The following STIM1 variants were observed in gnomAD, a reference collection of about 807,000 sequenced individuals.
STIM1 encodes the protein stromal interaction molecule 1.
A neutral mutation model predicts 74.7 loss-of-function variants in STIM1; 25 were observed. The observed-to-expected ratio is 0.33, with a 90% CI of 0.24 to 0.47. STIM1 has a LOEUF of 0.47. STIM1 is among the 20% of genes least tolerant of loss of function. The probability of loss-of-function intolerance (pLI) is 1.00; values close to 1 mark genes in which losing one functional copy is unlikely to be tolerated. For missense variants in STIM1, 728 were observed against 920.8 expected (o/e 0.79, Z 2.71); for synonymous variants, 328 against 348.8 (o/e 0.94, Z 0.66).
chr11:4,034,599 T>G (rs1308274113), intron 3 of STIM1, among the ~76,000 whole-genome samples: 1 of 152,180 alleles, frequency 6.6e-6, no homozygotes, highest in African/African-American at 2.4e-5. Flanking sequence ...TCTTAAAATG[T>G]CTTTGTTTTT....
intron 3 of STIM1, among the ~76,000 whole-genome samples, chr11:4,040,549 A>G (rs888189685): frequency 3.3e-5 from 5 of 152,184 alleles, no homozygotes; most frequent in Non-Finnish European, 7.4e-5. Context: ...TAGCACACTA[A>G]ATGCAAAGAT....
intron 2 of STIM1, among the ~76,000 whole-genome samples, chr11:3,973,748 C>T (rs1475241331): frequency 2.6e-5 from 4 of 152,138 alleles, no homozygotes; most frequent in African/African-American, 9.7e-5. Context: ...AAGTCTCACA[C>T]TGTCGGCCAG....
At chr11:3,888,035 A>T (rs1310052358) in intron 1 of STIM1, 1 of 151,730 alleles carries the variant, frequency 6.6e-6, no homozygotes, top group Non-Finnish European at 1.5e-5. Flanking sequence ...CCACCCCTCA[A>T]GCAGTGCTGG....
chr11:3,945,326 C>T (rs1488905162), intron 1 of STIM1, among the ~76,000 whole-genome samples: 2 of 152,052 alleles, frequency 1.3e-5, no homozygotes, highest in Non-Finnish European at 2.9e-5. Flanking sequence ...CCTGTAATCC[C>T]AGCACTTTGG....
At chr11:3,941,673 T>TAGAGAGAG (rs1554959602) in intron 1 of STIM1, among the ~76,000 whole-genome samples, 1,777 of 90,622 alleles carry the variant, frequency 0.02, 21 homozygotes, top group African/African-American at 0.031. Context: ...TATATATATA[T>TAGAGAGAG]AGAGAGAGAG....
rs2135837106 is a variant in STIM1, at chr11:3,989,251, G to C, written c.270+21569G>C. ...GTTTACTGCAGGTAAATGTTCTTTA[G>C]TTTCTTGGTTAGCCACTTCGGCCTG... On this transcript the variant is annotated intron_variant, in intron 2 of 12. Coordinates refer to ENST00000526596, the MANE Select transcript of STIM1 (RefSeq NM_001382567.1). The C allele has an allele frequency of 3.4e-6, 3 of 872,856 alleles. No individual in the cohort carries two copies. The South Asian group carries it at 3.9e-5, about 11-fold the overall frequency. The allele number at this position is 872,856 out of a possible 1,614,324, so 54.1% of individuals were successfully genotyped here. A position where few individuals can be genotyped will look rare whatever the true frequency, so the allele number is the denominator to read the frequency against.
intron 2 of STIM1, among the ~76,000 whole-genome samples, chr11:3,994,216 GAAGTT>G (rs1355972056): frequency 6.6e-6 from 1 of 152,174 alleles, no homozygotes; most frequent in Admixed American, 6.5e-5. Context: ...TTTTTGGTGA[GAAGTT>G]AACTGTTAAT....
Position 4,083,295 on chromosome 11 carries a change from G to T in STIM1, c.1271G>T (p.Arg424Leu). Residue 424 changes from arginine to leucine, a missense_variant, in exon 10 of 13, where the codon CGG becomes CTG. This residue lies in a region of STIM1 where 131 missense variants were observed against 235.9 expected (regional missense o/e 0.56). Transcript: ENST00000526596. ...QALSEVTAAL[R>L]ERLHRWQQIE... Reference sequence around the variant, plus strand: ...CTGAGCGAGGTGACAGCAGCATTGCGGGAGCGCCTGCACCGCTGGCAACAG... The same window carrying T: ...CTGAGCGAGGTGACAGCAGCATTGCTGGAGCGCCTGCACCGCTGGCAACAG... 6.2e-7 allele frequency: 1 copy of T among 1,614,188 alleles called. No homozygotes were observed. The highest frequency in any genetic ancestry group is 8.5e-7 in the Non-Finnish European group (1 of 1,180,030).
At chr11:3,948,797 A>G (rs953872625) in intron 1 of STIM1, among the ~76,000 whole-genome samples, 2 of 152,192 alleles carry the variant, frequency 1.3e-5, no homozygotes, top group African/African-American at 4.8e-5. Flanking sequence ...ATTAATTTAG[A>G]TTGTACCTTC....
chr11:3,979,297 T>A (rs991246602), intron 2 of STIM1, among the ~76,000 whole-genome samples: 2 of 152,178 alleles, frequency 1.3e-5, no homozygotes, highest in African/African-American at 4.8e-5. Context: ...GGAAAGCCCA[T>A]GTTGTACATG....
chr11:3,952,193 G>T (rs2093157519), intron 1 of STIM1, among the ~76,000 whole-genome samples: 1 of 152,038 alleles, frequency 6.6e-6, no homozygotes, highest in Non-Finnish European at 1.5e-5. Context: ...GTGGTGGATT[G>T]CTTGAGCCCA....
At position 4,086,499 on chromosome 11, in the gene STIM1, T is replaced by A. The variant is rs767121715; in HGVS notation, c.1590T>A (p.Val530=). The A allele has an allele frequency of 6.2e-7, 1 of 1,614,016 alleles. No individual in the cohort carries two copies. The highest frequency in any genetic ancestry group is 8.5e-7 in the Non-Finnish European group (1 of 1,180,020). Residue 530 remains valine, a synonymous_variant, in exon 12 of 13, where the codon GTT becomes GTA. Transcript: ENST00000526596. ...KYPAPSLQSS[V]RQRLTEPQHG... ...CAGCCCCTAGCCTGCAGAGCAGTGT[T>A]CGGCAGCGCCTGACGGAGCCACAGC...
intron 2 of STIM1, among the ~76,000 whole-genome samples, chr11:4,014,035 G>T (rs2093870414): frequency 4.6e-5 from 7 of 151,976 alleles, no homozygotes; most frequent in Admixed American, 4.6e-4. Context: ...AGGGTTTTTT[G>T]TGTCTCTATC....
At chr11:3,970,271 C>T (rs1310251140) in intron 2 of STIM1, among the ~76,000 whole-genome samples, 2 of 152,146 alleles carry the variant, frequency 1.3e-5, no homozygotes, top group East Asian at 3.8e-4. Flanking sequence ...TTTTGCCTTG[C>T]CTTGGTTTCC....
At chr11:3,920,922 A>G (rs1053938752) in intron 1 of STIM1, among the ~76,000 whole-genome samples, 7 of 150,948 alleles carry the variant, frequency 4.6e-5, no homozygotes, top group African/African-American at 1.7e-4. Flanking sequence ...CAGCCTCCCA[A>G]GTAGCTGGCA....
chr11:4,002,483 G>A (rs2135915254), intron 2 of STIM1, among the ~76,000 whole-genome samples: 1 of 151,470 alleles, frequency 6.6e-6, no homozygotes, highest in Middle Eastern at 3.4e-3. Context: ...GCCCCTGAAT[G>A]ACTACTGGGT....
intron 11 of STIM1, 195 bp from the exon 12 acceptor site, chr11:4,086,282 C>T: frequency 9.5e-6 from 6 of 630,462 alleles, no homozygotes; most frequent in Non-Finnish European, 1.7e-5. Context: ...TAAAACTGAC[C>T]TGGGCACTTC....
At chr11:4,001,879 A>G (rs369251497) in intron 2 of STIM1, among the ~76,000 whole-genome samples, 1 of 138,116 alleles carries the variant, frequency 7.2e-6, no homozygotes, top group African/African-American at 2.7e-5. Flanking sequence ...TCAAAATAAA[A>G]GGATGGAGGA....
chr11:3,958,994 A>C (rs4910868), intron 1 of STIM1, among the ~76,000 whole-genome samples: 36,707 of 151,220 alleles, frequency 0.24, 5,602 homozygotes, highest in South Asian at 0.46. Context: ...CAGAGCGTCC[A>C]TCCCTTACTC....
Sources: allele counts gnomAD v4.1 joint callset (sites outside exome capture counted in the v4.1 genomes callset), GRCh38; gene constraint gnomAD v4.1.1; regional missense constraint gnomAD v4.1.1; transcripts MANE v1.5; gene names NCBI Gene and HGNC (gene_info 2026-07-23, HGNC 2026-07-21).